Variants in KCNJ3 observed in about 807,000 individuals in gnomAD.
KCNJ3 encodes potassium inwardly rectifying channel subfamily J member 3.
KCNJ3 carries 4 observed loss-of-function variants against 39.2 expected under a neutral mutation model. The ratio of observed to expected loss-of-function variants is 0.10; its 90% CI spans 0.05 to 0.23. KCNJ3 has a LOEUF of 0.23. Ranked by LOEUF, KCNJ3 falls within the 10% of genes least tolerant of loss-of-function variation. KCNJ3 has a pLI of 1.00. For missense variants in KCNJ3, 276 were observed against 634.9 expected, an observed-to-expected ratio of 0.43 and a Z score of 6.08; for synonymous variants, 230 against 237.4, an observed-to-expected ratio of 0.97 and a Z score of 0.29.
At chr2:154,739,625 A>G (rs12471193) in intron 2 of KCNJ3, among the ~76,000 whole-genome samples, 54,632 of 151,828 alleles carry the variant, frequency 0.36, 10,051 homozygotes, top group Non-Finnish European at 0.41. Flanking sequence ...GAACAACTCA[A>G]GCATACATCT....
chr2:154,776,391 T>C (rs1686336430), intron 2 of KCNJ3, among the ~76,000 whole-genome samples: 1 of 152,090 alleles, frequency 6.6e-6, no homozygotes, highest in South Asian at 2.1e-4. Context: ...AGAAAATAGC[T>C]GGGGAAGGAA....
chr2:154,744,860 T>C (rs1452256240), intron 2 of KCNJ3, among the ~76,000 whole-genome samples: 1 of 151,934 alleles, frequency 6.6e-6, no homozygotes, highest in Non-Finnish European at 1.5e-5. Context: ...TTTGGATTTA[T>C]ATAGTGCTAT....
intron 2 of KCNJ3, among the ~76,000 whole-genome samples, chr2:154,804,459 C>G (rs961966137): frequency 1.3e-5 from 2 of 152,038 alleles, no homozygotes; most frequent in Admixed American, 1.3e-4. Flanking sequence ...CTTGATTTCC[C>G]TATTGTTTTA....
chr2:154,739,068 A>G lies in KCNJ3; in HGVS notation c.919+29249A>G, dbSNP rs187514167. Among the ~76,000 whole-genome samples the G allele has an allele frequency of 3.6e-4, 55 of 152,174 alleles. No individual in the cohort carries two copies. In the East Asian group the frequency reaches 0.01, roughly 28 times the overall value. ...TAAATTATATAATTAAGAAAAAATAACTTTCAGACTCGTAATCTTCTAAAG... is the reference window on the plus strand; with the variant it reads ...TAAATTATATAATTAAGAAAAAATAGCTTTCAGACTCGTAATCTTCTAAAG... On this transcript the variant is annotated intron_variant, in intron 2 of 2. Transcript: ENST00000295101.
intron 2 of KCNJ3, among the ~76,000 whole-genome samples, chr2:154,853,242 C>A (rs974675477): frequency 2.6e-5 from 4 of 151,476 alleles, no homozygotes; most frequent in Non-Finnish European, 5.9e-5. Context: ...TTAAAACTGT[C>A]TTGAAAAAAC....
chr2:154,804,184 A>G (rs1371408580), intron 2 of KCNJ3, among the ~76,000 whole-genome samples: 1 of 152,128 alleles, frequency 6.6e-6, no homozygotes, highest in Non-Finnish European at 1.5e-5. Context: ...GACAGGAGAA[A>G]TATAATACAT....
chr2:154,753,463 C>T (rs1040144933), intron 2 of KCNJ3, among the ~76,000 whole-genome samples: 2 of 151,996 alleles, frequency 1.3e-5, no homozygotes, highest in African/African-American at 4.8e-5. Flanking sequence ...GGAGTTTTTT[C>T]CAGATTTTAG....
intron 2 of KCNJ3, among the ~76,000 whole-genome samples, chr2:154,730,133 AG>A (rs1685426717): frequency 6.6e-6 from 1 of 152,034 alleles, no homozygotes; most frequent in South Asian, 2.1e-4. Context: ...GATGCAACTA[AG>A]GACCAACAGG....
chr2:154,857,936 A>ACAGG lies in KCNJ3; in HGVS notation c.*2624_*2627dup, dbSNP rs1333107418. Reference sequence around the variant, plus strand: ...AAAAAAAAAAAAAAAAAGAATAAAAACAGGGTAACATAATGCAAAGTAACT... The same window carrying ACAGG: ...AAAAAAAAAAAAAAAAAGAATAAAAACAGGCAGGGTAACATAATGCAAAGTAACT... On this transcript the variant is annotated 3_prime_UTR_variant, in exon 3 of 3. Coordinates refer to ENST00000295101, the MANE Select transcript of KCNJ3 (RefSeq NM_002239.4). The ACAGG allele has an allele frequency of 7.7e-6, 1 of 130,542 alleles. No homozygotes were observed. The highest frequency in any genetic ancestry group is 1.7e-5 in the Non-Finnish European group (1 of 60,460). The allele number at this position is 130,542 out of a possible 1,614,324, so 8.1% of individuals were successfully genotyped here. A position where few individuals can be genotyped will look rare whatever the true frequency, so the allele number is the denominator to read the frequency against.
intron 2 of KCNJ3, among the ~76,000 whole-genome samples, chr2:154,842,571 A>C (rs1003042920): frequency 2.0e-5 from 3 of 152,066 alleles, no homozygotes; most frequent in African/African-American, 7.2e-5. Context: ...TTGTGTGGGA[A>C]TCTAAGTCTC....
At chr2:154,764,318 C>A (rs570890384) in intron 2 of KCNJ3, among the ~76,000 whole-genome samples, 4 of 152,152 alleles carry the variant, frequency 2.6e-5, no homozygotes, top group Non-Finnish European at 5.9e-5. Flanking sequence ...CTTGATCAGC[C>A]TTCAGAATCT....
At chr2:154,798,530 C>T (rs1686759138) in intron 2 of KCNJ3, among the ~76,000 whole-genome samples, 1 of 152,064 alleles carries the variant, frequency 6.6e-6, no homozygotes, top group South Asian at 2.1e-4. Context: ...TCAAAACATA[C>T]AAAAGGTCGC....
Position 154,854,794 on chromosome 2 carries a change from T to C in KCNJ3, c.987T>C (p.Pro329=). The C allele has an allele frequency of 6.2e-7, 1 of 1,613,962 alleles. No individual in the cohort carries two copies. Among genetic ancestry groups the C allele is most frequent in the Non-Finnish European group, 8.5e-7 (1 of 1,179,914 alleles). The part of the protein sequence containing the change: ...DEVLWGHRFF[P]VISLEEGFFK... ...TTCTTTGGGGTCATCGTTTTTTTCC[T>C]GTAATTTCCTTAGAAGAGGGATTCT... Residue 329 remains proline (P), a synonymous_variant, in exon 3 of 3, where the codon CCT becomes CCC. Coordinates refer to ENST00000295101, the MANE Select transcript of KCNJ3 (RefSeq NM_002239.4).
intron 2 of KCNJ3, among the ~76,000 whole-genome samples, chr2:154,740,654 A>G (rs1216176541): frequency 2.0e-5 from 3 of 151,948 alleles, no homozygotes; most frequent in Non-Finnish European, 4.4e-5. Flanking sequence ...TTTGCTTTTA[A>G]AGAGTCTGTT....
intron 2 of KCNJ3, among the ~76,000 whole-genome samples, chr2:154,741,264 C>A (rs1009006004): frequency 6.6e-6 from 1 of 151,868 alleles, no homozygotes; most frequent in African/African-American, 2.4e-5. Flanking sequence ...GAGATATGAA[C>A]CCTTGCAGTC....
chr2:154,838,531 G>A (rs1469990580), intron 2 of KCNJ3, among the ~76,000 whole-genome samples: 1 of 152,154 alleles, frequency 6.6e-6, no homozygotes, highest in African/African-American at 2.4e-5. Context: ...AAACACTTAG[G>A]ATCCAGCACG....
chr2:154,711,154 C>T (rs900958223), intron 2 of KCNJ3, among the ~76,000 whole-genome samples: 18 of 152,088 alleles, frequency 1.2e-4, no homozygotes, highest in African/African-American at 4.3e-4. Context: ...AGCTCCCATT[C>T]ATTTTTTCAA....
chr2:154,845,897 G>C (rs1002622131), intron 2 of KCNJ3, among the ~76,000 whole-genome samples: 2 of 120,330 alleles, frequency 1.7e-5, no homozygotes, highest in Non-Finnish European at 3.5e-5. Context: ...TTGAACCTGG[G>C]AGGTGGAGGT....
intron 2 of KCNJ3, among the ~76,000 whole-genome samples, chr2:154,853,538 G>C (rs1687790734): frequency 6.6e-6 from 1 of 152,018 alleles, no homozygotes; most frequent in Non-Finnish European, 1.5e-5. Context: ...CTTAATTATT[G>C]AGGGGATGGT....
Sources: allele counts gnomAD v4.1 joint callset (sites outside exome capture counted in the v4.1 genomes callset), GRCh38; gene constraint gnomAD v4.1.1; transcripts MANE v1.5; gene names NCBI Gene and HGNC (gene_info 2026-07-23, HGNC 2026-07-21).